The following SGSM1 variants were observed in gnomAD, a reference collection of about 807,000 sequenced individuals.
SGSM1 encodes the protein small G protein signaling modulator 1.
A neutral mutation model predicts 133.8 loss-of-function variants in SGSM1; 73 were observed. The ratio of observed to expected loss-of-function variants is 0.55; its 90% CI spans 0.45 to 0.66. The LOEUF (loss-of-function observed/expected upper bound fraction) is 0.66, where lower values mean the gene tolerates loss of function less well. Ranked by LOEUF, SGSM1 falls within the 30% of genes least tolerant of loss-of-function variation. The pLI is 0.00. For synonymous variants in SGSM1, 563 were observed against 573.0 expected (o/e 0.98, Z 0.25); for missense variants, 1,213 against 1,448.1 (o/e 0.84, Z 2.64).
chr22:24,905,173 T>C lies in SGSM1; in HGVS notation c.2804T>C (p.Val935Ala). 2 of 1,613,980 alleles carry C rather than the reference T, an allele frequency of 1.2e-6. No homozygotes were observed. Among genetic ancestry groups the C allele is most frequent in the Non-Finnish European group, 1.7e-6 (2 of 1,179,864 alleles). Residue 935 changes from valine to alanine, a missense_variant, in exon 21 of 25, where the codon GTC (valine) becomes GCC (alanine). By Grantham distance (64) the Val-to-Ala change is moderately conservative. Coordinates refer to ENST00000400358, the MANE Select transcript of SGSM1 (RefSeq NM_001098497.3). The stretch of plus-strand genomic sequence containing the variant: ...TGTGATCTTCTGGCTCCACTGCTGG[T>C]CATTCTGGATGATGGTGAGTGTGTC... ...GMCDLLAPLL[V>A]ILDDEALAFS... is the part of the protein sequence containing the mutation.
At chr22:24,863,251 G>T (rs994829894) in intron 9 of SGSM1, among the ~76,000 whole-genome samples, 4 of 152,048 alleles carry the variant, frequency 2.6e-5, no homozygotes, top group African/African-American at 7.2e-5. Flanking sequence ...CCGCCTCCTG[G>T]GTTCAAGTGA....
intron 16 of SGSM1, 46 bp from the exon 17 acceptor site, chr22:24,893,385 C>T (rs374126551): frequency 7.1e-5 from 114 of 1,599,704 alleles, no homozygotes; most frequent in East Asian, 1.3e-4. Context: ...CCTCCCCAGG[C>T]GCCCCTTTGT....
At chr22:24,917,601 TCTC>T in intron 22 of SGSM1, 54 bp from the exon 23 acceptor site, 1 of 1,296,262 alleles carries the variant, frequency 7.7e-7, no homozygotes, top group Non-Finnish European at 1.1e-6. Flanking sequence ...TATTCAGCTG[TCTC>T]CTCTGCTCCA....
chr22:24,815,514 A>G (rs5752005), intron 2 of SGSM1, among the ~76,000 whole-genome samples: 104,662 of 151,992 alleles, frequency 0.69, 36,333 homozygotes, highest in East Asian at 0.92. Flanking sequence ...AGGCCGAGGC[A>G]GGCGGATCAC....
At chr22:24,887,158 C>CGT (rs1932659117) in intron 16 of SGSM1, among the ~76,000 whole-genome samples, 1 of 140,744 alleles carries the variant, frequency 7.1e-6, no homozygotes, top group Admixed American at 7.1e-5. Context: ...AGTTTTCTCA[C>CGT]GTGTAGATCT....
At chr22:24,859,035 C>T in intron 8 of SGSM1, among the ~76,000 whole-genome samples, 1 of 152,168 alleles carries the variant, frequency 6.6e-6, no homozygotes, top group East Asian at 1.9e-4. Flanking sequence ...CTGCACTGCT[C>T]CTCCCTTGGG....
At chr22:24,849,497 G>T (rs1026302621) in intron 4 of SGSM1, among the ~76,000 whole-genome samples, 25 of 152,298 alleles carry the variant, frequency 1.6e-4, no homozygotes, top group African/African-American at 6.0e-4. Flanking sequence ...AGGTTGTGGT[G>T]AGCCGAATTG....
intron 2 of SGSM1, among the ~76,000 whole-genome samples, chr22:24,828,469 G>A (rs989789328): frequency 1.8e-4 from 27 of 152,202 alleles, no homozygotes; most frequent in South Asian, 1.0e-3. Context: ...CAGACACTTC[G>A]CTAAAAAAGA....
At chr22:24,877,178 G>A (rs566985908) in intron 13 of SGSM1, among the ~76,000 whole-genome samples, 20 of 152,216 alleles carry the variant, frequency 1.3e-4, no homozygotes, top group African/African-American at 4.8e-4. Context: ...CATCCACAAG[G>A]GGACAGTAAG....
chr22:24,868,635 C>T lies in SGSM1; in HGVS notation c.1159-88C>T, dbSNP rs564214352. ...GTGCCCTTATGTGGCTATGTGGCCT[C>T]ATGCGCTCTCCACTGATACCCTCAG... On this transcript the variant is annotated intron_variant, in intron 11 of 24. Coordinates refer to ENST00000400358, the MANE Select transcript of SGSM1 (RefSeq NM_001098497.3). The T allele has an allele frequency of 4.9e-5, 79 of 1,609,898 alleles. 2 individuals are homozygous for T. In the African/African-American group the frequency reaches 6.8e-4, roughly 14 times the overall value.
chr22:24,925,662 T>G lies in SGSM1; in HGVS notation c.*1388T>G, dbSNP rs538476019. ...TATTGGGTCTTGGAAAGGTGTGTGT[T>G]TGGTGAAAGCCACTTAATGGTGGTG... On this transcript the variant is annotated 3_prime_UTR_variant, in exon 25 of 25. Coordinates refer to ENST00000400358, the MANE Select transcript of SGSM1 (RefSeq NM_001098497.3). The G allele has an allele frequency of 6.6e-6, 1 of 152,150 alleles. No individual in the cohort carries two copies. Among genetic ancestry groups the G allele is most frequent in the African/African-American group, 2.4e-5 (1 of 41,496 alleles). 9.4% of individuals were successfully genotyped at this position (152,150 alleles called of 1,614,324 possible).
At chr22:24,851,114 A>G (rs532569854) in intron 5 of SGSM1, among the ~76,000 whole-genome samples, 1,697 of 151,142 alleles carry the variant, frequency 0.011, 14 homozygotes, top group South Asian at 0.026. Context: ...AAAAAAAAAA[A>G]AAAAAGAAAA....
At chr22:24,854,808 C>G (rs898842553) in intron 5 of SGSM1, among the ~76,000 whole-genome samples, 188 bp from the exon 6 acceptor site, 2 of 152,034 alleles carry the variant, frequency 1.3e-5, no homozygotes, top group Admixed American at 1.3e-4. Flanking sequence ...AGAGAAAGAC[C>G]TTATCTTAAA....
intron 2 of SGSM1, among the ~76,000 whole-genome samples, chr22:24,831,190 G>A (rs759560447): frequency 2.6e-5 from 4 of 151,846 alleles, no homozygotes; most frequent in East Asian, 1.9e-4. Context: ...GAGGTGGAGC[G>A]CAGGTGGGTT....
chr22:24,912,565 G>C (rs910187297), intron 21 of SGSM1, 78 bp from the exon 22 acceptor site: 2 of 936,032 alleles, frequency 2.1e-6, no homozygotes, highest in Non-Finnish European at 3.3e-6. Context: ...ATTTCAACAT[G>C]AGATTTGGAG....
At chr22:24,868,318 T>A in intron 10 of SGSM1, 58 bp from the exon 11 acceptor site, 1 of 1,559,900 alleles carries the variant, frequency 6.4e-7, no homozygotes, top group Non-Finnish European at 8.7e-7. Flanking sequence ...AGGAAGGGGC[T>A]GTCACCGTGC....
At chr22:24,897,644 T>C (rs189553150) in intron 18 of SGSM1, among the ~76,000 whole-genome samples, 1 of 136,750 alleles carries the variant, frequency 7.3e-6, no homozygotes, top group African/African-American at 3.7e-5. Context: ...ATTTTTTGTA[T>C]TTTTTGCAGA....
intron 21 of SGSM1, among the ~76,000 whole-genome samples, chr22:24,907,958 C>T (rs1024618629): frequency 6.8e-6 from 1 of 147,834 alleles, no homozygotes; most frequent in African/African-American, 2.5e-5. Flanking sequence ...CTCACAGTAC[C>T]TGATTTCAAA....
intron 2 of SGSM1, among the ~76,000 whole-genome samples, chr22:24,837,717 G>A (rs1332120023): frequency 6.6e-6 from 1 of 152,126 alleles, no homozygotes; most frequent in Non-Finnish European, 1.5e-5. Flanking sequence ...GAGCCCTCTG[G>A]TGGCCCTGTC....
Sources: allele counts gnomAD v4.1 joint callset (sites outside exome capture counted in the v4.1 genomes callset), GRCh38; gene constraint gnomAD v4.1.1; transcripts MANE v1.5; gene names NCBI Gene and HGNC (gene_info 2026-07-23, HGNC 2026-07-21).